FAM177A1: variants seen among roughly 807,000 people sequenced by gnomAD.
The protein encoded by FAM177A1 is protein FAM177A1.
In FAM177A1, 22 loss-of-function variants were observed where a neutral mutation model predicts 26.1. The observed-to-expected ratio is 0.84, with a 90% CI of 0.60 to 1.20. The LOEUF is 1.20. Ranked by LOEUF, FAM177A1 falls within the 50% of genes most tolerant of loss-of-function variation. FAM177A1 has a pLI of 0.00. For missense variants in FAM177A1, 296 were observed against 291.1 expected, an observed-to-expected ratio of 1.02 and a Z score of -0.12; for synonymous variants, 95 against 99.3, an observed-to-expected ratio of 0.96 and a Z score of 0.26.
At chr14:35,074,161 G>A (rs1282237621) in intron 2 of FAM177A1, among the ~76,000 whole-genome samples, 3 of 152,004 alleles carry the variant, frequency 2.0e-5, no homozygotes, top group Non-Finnish European at 4.4e-5. Context: ...TTTATTTTTT[G>A]TGAGACAGGG....
At chr14:35,047,357 A>G (rs973631403) in intron 1 of FAM177A1, among the ~76,000 whole-genome samples, 2 of 152,156 alleles carry the variant, frequency 1.3e-5, no homozygotes, top group Non-Finnish European at 2.9e-5. Context: ...TCCTGGGTGC[A>G]TTTTACACGC....
chr14:35,064,414 G>A (rs1301525625), intron 2 of FAM177A1, among the ~76,000 whole-genome samples: 1 of 151,970 alleles, frequency 6.6e-6, no homozygotes, highest in Non-Finnish European at 1.5e-5. Context: ...AAAGTACAAT[G>A]ATTTTTTTAG....
chr14:35,064,306 G>C (rs1431918050), intron 2 of FAM177A1, among the ~76,000 whole-genome samples: 1 of 152,142 alleles, frequency 6.6e-6, no homozygotes, highest in Non-Finnish European at 1.5e-5. Flanking sequence ...AGAATCCCTT[G>C]AACCTGGGAG....
intron 2 of FAM177A1, among the ~76,000 whole-genome samples, chr14:35,058,184 A>G (rs2045091928): frequency 6.6e-6 from 1 of 151,960 alleles, no homozygotes; most frequent in Non-Finnish European, 1.5e-5. Context: ...AGTGATTCTC[A>G]TGCTTCAGCC....
chr14:35,076,597 T>TA (rs958312862), intron 2 of FAM177A1, among the ~76,000 whole-genome samples: 28 of 150,880 alleles, frequency 1.9e-4, no homozygotes, highest in Middle Eastern at 3.5e-3. Context: ...ATAATAATAA[T>TA]AAAAAAAAAG....
At chr14:35,071,615 T>C (rs2045323198) in intron 2 of FAM177A1, among the ~76,000 whole-genome samples, 1 of 152,186 alleles carries the variant, frequency 6.6e-6, no homozygotes, top group South Asian at 2.1e-4. Flanking sequence ...TGTATAGTTG[T>C]GTGGGATGAT....
rs928175031 is a variant in FAM177A1, at chr14:35,082,501, A to G, written c.*1273A>G. 6.6e-6 allele frequency: 1 copy of G among 152,078 alleles called. No homozygotes were observed. The highest frequency in any genetic ancestry group is 1.5e-5 in the Non-Finnish European group (1 of 68,104). The allele number at this position is 152,078 out of a possible 1,614,324, so 9.4% of individuals were successfully genotyped here. On this transcript the variant is annotated 3_prime_UTR_variant, in exon 5 of 5. Coordinates refer to ENST00000280987, the MANE Select transcript of FAM177A1 (RefSeq NM_173607.5). The stretch of plus-strand genomic sequence containing the variant: ...GCACTCCAGCCTGGGCGACAGAGTG[A>G]GACTCCATCTTGGGGGGAAAAAAGT...
chr14:35,054,478 C>T (rs1048408990), intron 2 of FAM177A1, among the ~76,000 whole-genome samples: 2 of 151,808 alleles, frequency 1.3e-5, no homozygotes, highest in Non-Finnish European at 2.9e-5. Context: ...TTTTAGGTGC[C>T]GGTGATATAG....
intron 2 of FAM177A1, among the ~76,000 whole-genome samples, chr14:35,067,901 T>G (rs1410148914): frequency 6.6e-6 from 1 of 152,216 alleles, no homozygotes; most frequent in East Asian, 1.9e-4. Flanking sequence ...GTTGTTTAAG[T>G]TCTTTACATA....
Position 35,081,261 on chromosome 14 carries a change from G to GTTTT in FAM177A1, c.*42_*45dup. 1 of 1,251,458 alleles carries GTTTT rather than the reference G, an allele frequency of 8.0e-7. No homozygotes were observed. The allele number at this position is 1,251,458 out of a possible 1,614,324, so 77.5% of individuals were successfully genotyped here. ...TGACTATCAAGCTTCAAACTCTTAA[G>GTTTT]TTTTTTTTTTTTAATACAAAAACTT... On this transcript the variant is annotated 3_prime_UTR_variant, in exon 5 of 5. Transcript: ENST00000280987.
intron 2 of FAM177A1, among the ~76,000 whole-genome samples, chr14:35,072,790 T>G (rs1489082719): frequency 1.3e-5 from 2 of 152,158 alleles, no homozygotes; most frequent in Non-Finnish European, 2.9e-5. Flanking sequence ...ATCTCTGGTG[T>G]TGTGTCTGTT....
chr14:35,049,815 A>C (rs1377216124), intron 1 of FAM177A1, among the ~76,000 whole-genome samples: 1 of 152,154 alleles, frequency 6.6e-6, no homozygotes, highest in Non-Finnish European at 1.5e-5. Context: ...CTGAGAATAA[A>C]GATAAGCACA....
chr14:35,071,601 A>G (rs2045323017), intron 2 of FAM177A1, among the ~76,000 whole-genome samples: 1 of 152,054 alleles, frequency 6.6e-6, no homozygotes, highest in South Asian at 2.1e-4. Flanking sequence ...CTATATATTC[A>G]TTCTGTATAG....
At chr14:35,069,455 T>C (rs2045286503) in intron 2 of FAM177A1, among the ~76,000 whole-genome samples, 1 of 152,092 alleles carries the variant, frequency 6.6e-6, no homozygotes, top group South Asian at 2.1e-4. Flanking sequence ...CCGGCTAATT[T>C]TGTATTTTTA....
intron 1 of FAM177A1, among the ~76,000 whole-genome samples, chr14:35,047,854 A>G (rs2044898600): frequency 6.6e-6 from 1 of 152,162 alleles, no homozygotes; most frequent in Non-Finnish European, 1.5e-5. Flanking sequence ...CTTTTTCAGT[A>G]GCTTCATTTT....
At chr14:35,063,059 T>A (rs975156288) in intron 2 of FAM177A1, among the ~76,000 whole-genome samples, 6 of 145,846 alleles carry the variant, frequency 4.1e-5, no homozygotes, top group African/African-American at 1.3e-4. Flanking sequence ...GGTAGGCGGA[T>A]GAATGGCAGG....
In FAM177A1 at chr14:35,077,220, T is replaced by G. The variant is rs2045409778; in HGVS notation, c.406+4T>G. 1.2e-6 allele frequency: 2 copies of G among 1,613,366 alleles called. No individual in the cohort carries two copies. The highest frequency in any genetic ancestry group is 1.1e-5 in the South Asian group (1 of 91,064). On this transcript the variant is annotated splice_donor_region_variant and intron_variant, in intron 3 of 4. Coordinates refer to ENST00000280987, the MANE Select transcript of FAM177A1 (RefSeq NM_173607.5). ...GCTGCTACATCAACTCTCTCAGGTA[T>G]TGCTTTTCTGCTTGAATATTGTATA...
intron 2 of FAM177A1, among the ~76,000 whole-genome samples, chr14:35,069,090 A>T (rs187404627): frequency 2.0e-5 from 3 of 152,194 alleles, no homozygotes; most frequent in Non-Finnish European, 4.4e-5. Context: ...TCTCAGTGCT[A>T]TTAGCTCTGG....
At chr14:35,078,796 T>C (rs2045434771) in intron 3 of FAM177A1, 131 bp from the exon 4 acceptor site, 1 of 569,124 alleles carries the variant, frequency 1.8e-6, no homozygotes, top group Non-Finnish European at 2.8e-6. Flanking sequence ...AGAAGATAGA[T>C]CTATTAGGTT....
Sources: allele counts gnomAD v4.1 joint callset (sites outside exome capture counted in the v4.1 genomes callset), GRCh38; gene constraint gnomAD v4.1.1; transcripts MANE v1.5; gene names NCBI Gene and HGNC (gene_info 2026-07-23, HGNC 2026-07-21).